Variants in ADAMTSL3 observed in about 807,000 individuals in gnomAD.
ADAMTSL3 encodes the protein ADAMTS-like protein 3.
In ADAMTSL3, 128 loss-of-function variants were observed where a neutral mutation model predicts 201.7. The observed-to-expected ratio is 0.63, with a 90% confidence interval of 0.55 to 0.73. ADAMTSL3 has a LOEUF of 0.73. ADAMTSL3 is among the 30% of genes least tolerant of loss of function. The probability of loss-of-function intolerance (pLI) is 0.00; values close to 1 mark genes in which losing one functional copy is unlikely to be tolerated. For synonymous variants in ADAMTSL3, 738 were observed against 748.4 expected (o/e 0.99, Z 0.23); for missense variants, 1,990 against 2,119.6 (o/e 0.94, Z 1.20).
chr15:83,759,554 C>T (rs2062776285), intron 3 of ADAMTSL3, among the ~76,000 whole-genome samples: 2 of 152,108 alleles, frequency 1.3e-5, no homozygotes, highest in Non-Finnish European at 2.9e-5. Flanking sequence ...AATGTTTTGA[C>T]ATGCACATAG....
rs982134282 is a variant in ADAMTSL3 at position 84,014,679 on chromosome 15, A to G, written c.4111A>G (p.Asn1371Asp). The G allele has an allele frequency of 2.5e-6, 4 of 1,609,966 alleles. No homozygotes were observed. Among genetic ancestry groups the G allele is most frequent in the Non-Finnish European group, 3.4e-6 (4 of 1,179,034 alleles). The change falls in exon 24 of 30, where the codon AAT (asparagine) becomes GAT (aspartate). Residue 1371 changes from asparagine to aspartate, a missense_variant. Asn to Asp is a conservative substitution (Grantham distance 23). Transcript: ENST00000286744. ...AGGAACCTACGTCTGCATAGCCACCAATGCTCTTGGAAAGGCAGTGGCAAC... is the reference window on the plus strand; with the variant it reads ...AGGAACCTACGTCTGCATAGCCACCGATGCTCTTGGAAAGGCAGTGGCAAC... The part of the protein sequence containing the change: ...NEGTYVCIAT[N>D]ALGKAVATSV...
intron 4 of ADAMTSL3, among the ~76,000 whole-genome samples, chr15:83,793,323 A>G (rs1247749526): frequency 6.6e-6 from 1 of 152,206 alleles, no homozygotes; most frequent in Non-Finnish European, 1.5e-5. Context: ...CTGAGACCGG[A>G]TGTTAAGTAT....
chr15:83,875,539 CT>C (rs1266829615), intron 9 of ADAMTSL3, among the ~76,000 whole-genome samples: 8 of 152,156 alleles, frequency 5.3e-5, no homozygotes, highest in African/African-American at 1.9e-4. Context: ...AATACCAGCA[CT>C]TTGGGAGGCT....
intron 3 of ADAMTSL3, among the ~76,000 whole-genome samples, chr15:83,724,048 G>A (rs931069783): frequency 1.3e-5 from 2 of 150,214 alleles, no homozygotes; most frequent in Non-Finnish European, 3.0e-5. Context: ...TCCTGGTTCT[G>A]ATTTCCCTTC....
At chr15:83,965,528 A>G (rs2067065963) in intron 19 of ADAMTSL3, among the ~76,000 whole-genome samples, 1 of 152,190 alleles carries the variant, frequency 6.6e-6, no homozygotes, top group Non-Finnish European at 1.5e-5. Flanking sequence ...ACCCAGATTC[A>G]TAAAGCAAGT....
At chr15:83,771,228 T>A (rs2062978377) in intron 3 of ADAMTSL3, among the ~76,000 whole-genome samples, 1 of 151,872 alleles carries the variant, frequency 6.6e-6, no homozygotes, top group African/African-American at 2.4e-5. Flanking sequence ...AATTCTCTAC[T>A]CTTAATTGAG....
At chr15:83,690,725 G>A (rs764837806) in intron 2 of ADAMTSL3, among the ~76,000 whole-genome samples, 1 of 152,100 alleles carries the variant, frequency 6.6e-6, no homozygotes, top group Non-Finnish European at 1.5e-5. Context: ...GGAGTGTCTT[G>A]TTCCGTCTCT....
chr15:83,675,344 G>A (rs1374160109), intron 2 of ADAMTSL3, among the ~76,000 whole-genome samples: 2 of 151,958 alleles, frequency 1.3e-5, no homozygotes, highest in Admixed American at 1.3e-4. Flanking sequence ...GTTTAATTAT[G>A]TGAAATGCTC....
chr15:83,994,586 G>GTTTTTTTTTTTTTTTTTTT (rs3045402), intron 23 of ADAMTSL3, among the ~76,000 whole-genome samples: 1 of 50,232 alleles, frequency 2.0e-5, no homozygotes, highest in African/African-American at 7.1e-5. Flanking sequence ...TTGTTTTTTC[G>GTTTTTTTTTTTTTTTTTTT]TTTTTTTTTT....
intron 7 of ADAMTSL3, among the ~76,000 whole-genome samples, chr15:83,855,275 T>G (rs1353691071): frequency 6.6e-6 from 1 of 152,202 alleles, no homozygotes; most frequent in Non-Finnish European, 1.5e-5. Flanking sequence ...GTTGGAGTTT[T>G]TCAAAACCAC....
At chr15:83,893,005 G>C (rs1351813913) in intron 13 of ADAMTSL3, 117 bp downstream of exon 13, 2 of 975,872 alleles carry the variant, frequency 2.0e-6, no homozygotes, top group African/African-American at 3.3e-5. Flanking sequence ...AAAAGAGCAT[G>C]GTTCCTACTC....
At chr15:83,850,932 T>C (rs552531757) in intron 7 of ADAMTSL3, among the ~76,000 whole-genome samples, 1 of 152,244 alleles carries the variant, frequency 6.6e-6, no homozygotes, top group African/African-American at 2.4e-5. Flanking sequence ...TGACTTGAGT[T>C]CTCCCTCTCT....
chr15:83,707,014 G>A (rs937514849), intron 3 of ADAMTSL3, among the ~76,000 whole-genome samples: 2 of 152,040 alleles, frequency 1.3e-5, no homozygotes, highest in Non-Finnish European at 2.9e-5. Context: ...AGGCACTGGG[G>A]AAAGGATAAA....
chr15:83,791,310 C>T (rs184511089), intron 4 of ADAMTSL3, among the ~76,000 whole-genome samples: 8 of 152,242 alleles, frequency 5.3e-5, no homozygotes, highest in Non-Finnish European at 7.4e-5. Flanking sequence ...AATCCGGAGG[C>T]GTTATACTAC....
At chr15:83,876,819 GTCTC>G (rs1200340446) in intron 9 of ADAMTSL3, among the ~76,000 whole-genome samples, 3 of 152,086 alleles carry the variant, frequency 2.0e-5, no homozygotes, top group Non-Finnish European at 4.4e-5. Flanking sequence ...ATTTATTTGA[GTCTC>G]TCTCTGTCGC....
intron 6 of ADAMTSL3, among the ~76,000 whole-genome samples, chr15:83,836,334 A>G (rs2064267600): frequency 6.6e-6 from 1 of 152,228 alleles, no homozygotes; most frequent in Non-Finnish European, 1.5e-5. Context: ...TTGGAAATAT[A>G]CAGAACAAAA....
chr15:83,850,482 G>T (rs1285675917), intron 7 of ADAMTSL3, among the ~76,000 whole-genome samples: 1 of 149,706 alleles, frequency 6.7e-6, no homozygotes, highest in Non-Finnish European at 1.5e-5. Context: ...ATGTATATGG[G>T]TGTATAATAT....
intron 23 of ADAMTSL3, among the ~76,000 whole-genome samples, chr15:84,004,218 T>C (rs966327466): frequency 2.0e-4 from 31 of 152,200 alleles, no homozygotes; most frequent in African/African-American, 7.0e-4. Context: ...GTCATTTTAT[T>C]ATTTTGGTTA....
chr15:83,747,156 G>C lies in ADAMTSL3; in HGVS notation c.190-26367G>C, dbSNP rs145691298. Among the ~76,000 whole-genome samples, 884 of 152,266 alleles carry C rather than the reference G, an allele frequency of 5.8e-3. 9 individuals carry two copies. The highest frequency in any genetic ancestry group is 0.02 in the African/African-American group (844 of 41,558). On this transcript the variant is annotated intron_variant, in intron 3 of 29. Coordinates refer to ENST00000286744, the MANE Select transcript of ADAMTSL3 (RefSeq NM_207517.3). ...TAGGTGTCACTTGGAAGTTAGGTTA[G>C]ATAAGGAAGTGTTGGGCTGCCCTCT...
Sources: gnomAD v4.1 joint callset for allele counts (sites outside exome capture counted in the v4.1 genomes callset) on GRCh38, gnomAD v4.1.1 for gene constraint, MANE v1.5 for transcripts, NCBI Gene and HGNC (gene_info 2026-07-23, HGNC 2026-07-21) for gene names.